ANXA13: variants seen among roughly 807,000 people sequenced by gnomAD.
The protein encoded by ANXA13 is annexin A13, also known as annexin XIII.
Under a neutral mutation model 46.6 loss-of-function variants are expected in ANXA13, and 36 were observed. That is an observed-to-expected ratio of 0.77 (90% confidence interval 0.59 to 1.02). ANXA13 has a LOEUF of 1.02. ANXA13 is among the 50% of genes least tolerant of loss of function. The probability of loss-of-function intolerance (pLI) is 0.00; values close to 1 mark genes in which losing one functional copy is unlikely to be tolerated. For synonymous variants in ANXA13, 163 were observed against 152.9 expected (o/e 1.07, Z -0.49); for missense variants, 417 against 396.5 (o/e 1.05, Z -0.44).
Position 123,681,056 on chromosome 8 carries a change from C to T in ANXA13, c.*184G>A. 1.5e-6 allele frequency: 1 copy of T among 683,268 alleles called. No homozygotes were observed. The highest frequency in any genetic ancestry group is 1.8e-5 in the African/African-American group (1 of 55,946). 42.3% of individuals were successfully genotyped at this position (683,268 alleles called of 1,614,324 possible). On this transcript the variant is annotated 3_prime_UTR_variant, in exon 11 of 11. Coordinates refer to ENST00000419625, the MANE Select transcript of ANXA13 (RefSeq NM_004306.4). ...AAGCCAGAGTTCAAGGTGCCCTGCC[C>T]ACGCATCTTAACGTTACTGCCCTTA... is the stretch of plus-strand genomic sequence containing the variant.
rs759142736 is a variant in ANXA13 at position 123,735,810 on chromosome 8, A to G, written c.15+1510T>C. 5.0e-6 allele frequency: 8 copies of G among 1,612,656 alleles called. No individual in the cohort carries two copies. Among genetic ancestry groups the G allele is most frequent in the Admixed American group, 3.3e-5 (2 of 59,814 alleles). ...TGATGGGTGGCTGAGAGGCTGCACG[A>G]CTGTCGAGGGTTGGGAGTCCCCTTT... On this transcript the variant is annotated intron_variant, in intron 1 of 10. Transcript: ENST00000419625.
At chr8:123,722,358 GAAAGA>G (rs1159854462) in intron 1 of ANXA13, among the ~76,000 whole-genome samples, 1 of 90,768 alleles carries the variant, frequency 1.1e-5, no homozygotes, top group African/African-American at 3.7e-5. Flanking sequence ...AAGAAAGAAA[GAAAGA>G]AAGAAAGAAA....
Position 123,690,592 on chromosome 8 carries a change from T to G in ANXA13, c.643-1646A>C, listed in dbSNP as rs1462547446. Among the ~76,000 whole-genome samples, 1 of 152,222 alleles carries G rather than the reference T, an allele frequency of 6.6e-6. No individual in the cohort carries two copies. Among genetic ancestry groups the G allele is most frequent in the Admixed American group, 6.5e-5 (1 of 15,288 alleles). ...GCTGTTGGGACTGTACTTTGGATACTTCTCACTTCAGTTACTGCAACGTGA... is the reference window on the plus strand; with the variant it reads ...GCTGTTGGGACTGTACTTTGGATACGTCTCACTTCAGTTACTGCAACGTGA... On this transcript the variant is annotated intron_variant, in intron 8 of 10. Transcript: ENST00000419625. The surrounding 1 kb of genome is among the most constrained non-coding windows in gnomAD (Gnocchi z 4.6).
intron 4 of ANXA13, among the ~76,000 whole-genome samples, chr8:123,698,017 T>C (rs1813374535): frequency 6.6e-6 from 1 of 152,228 alleles, no homozygotes; most frequent in Non-Finnish European, 1.5e-5. Flanking sequence ...CTGACCGCCA[T>C]AGCCCAGGCA....
At chr8:123,736,865 T>TTTTG (rs1554596851) in intron 1 of ANXA13, among the ~76,000 whole-genome samples, 1 of 148,762 alleles carries the variant, frequency 6.7e-6, no homozygotes, top group African/African-American at 2.5e-5. Flanking sequence ...TTTTTTTTTT[T>TTTTG]GGGACGGAGT....
chr8:123,682,748 A>T (rs1813062565), intron 10 of ANXA13, among the ~76,000 whole-genome samples: 1 of 152,164 alleles, frequency 6.6e-6, no homozygotes, highest in African/African-American at 2.4e-5. Context: ...GATGGGGTGC[A>T]CAGGGCTCTG....
intron 3 of ANXA13, 109 bp from the exon 4 acceptor site, chr8:123,698,668 C>G: frequency 8.1e-7 from 1 of 1,230,534 alleles, no homozygotes; most frequent in Non-Finnish European, 1.1e-6. Context: ...GTGCTGTGGA[C>G]ATGAATTCTG....
At chr8:123,687,870 C>G (rs1279938851) in intron 9 of ANXA13, among the ~76,000 whole-genome samples, 4 of 152,216 alleles carry the variant, frequency 2.6e-5, no homozygotes. Context: ...GCCCATCTCT[C>G]TGCTATTTCC....
At position 123,681,095 on chromosome 8, in the gene ANXA13, G is replaced by T; in HGVS notation, c.*145C>A. 8.7e-7 allele frequency: 1 copy of T among 1,146,920 alleles called. No homozygotes were observed. Among genetic ancestry groups the T allele is most frequent in the Non-Finnish European group, 1.2e-6 (1 of 828,852 alleles). The allele number at this position is 1,146,920 out of a possible 1,614,324, so 71.0% of individuals were successfully genotyped here. A position where few individuals can be genotyped will look rare whatever the true frequency, so the allele number is the denominator to read the frequency against. Reference sequence around the variant, plus strand: ...TTACTGCCCTTAACTTACACAGCTTGGCCTGGCTGCGCCACTTAAGCTGCC... The same window carrying T: ...TTACTGCCCTTAACTTACACAGCTTTGCCTGGCTGCGCCACTTAAGCTGCC... On this transcript the variant is annotated 3_prime_UTR_variant, in exon 11 of 11. Coordinates refer to ENST00000419625, the MANE Select transcript of ANXA13 (RefSeq NM_004306.4).
intron 2 of ANXA13, among the ~76,000 whole-genome samples, chr8:123,710,628 A>G (rs1586328276): frequency 6.6e-6 from 1 of 151,854 alleles, no homozygotes; most frequent in East Asian, 1.9e-4. Flanking sequence ...GACTGCAGCC[A>G]TGTGGCTGAG....
intron 1 of ANXA13, chr8:123,735,675 C>G (rs1448874202): frequency 6.9e-7 from 1 of 1,442,764 alleles, no homozygotes; most frequent in African/African-American, 1.4e-5. Flanking sequence ...TCCAACATGA[C>G]AGATCACTGG....
chr8:123,705,395 A>G (rs1041990723), intron 2 of ANXA13, among the ~76,000 whole-genome samples: 1 of 152,178 alleles, frequency 6.6e-6, no homozygotes, highest in Non-Finnish European at 1.5e-5. Context: ...TGGCATCGAG[A>G]CTTCCCGCAG....
intron 9 of ANXA13, 62 bp from the exon 10 acceptor site, chr8:123,684,784 C>G: frequency 7.7e-7 from 1 of 1,290,940 alleles, no homozygotes; most frequent in Admixed American, 1.7e-5. Flanking sequence ...GACCTTGGGA[C>G]CCCCCTAAAT....
intron 3 of ANXA13, among the ~76,000 whole-genome samples, chr8:123,700,960 C>T (rs1176717783): frequency 6.6e-6 from 1 of 152,088 alleles, no homozygotes; most frequent in African/African-American, 2.4e-5. Flanking sequence ...GTAGCAGGGA[C>T]TACAGGCACA....
chr8:123,702,651 C>T lies in ANXA13; in HGVS notation c.177G>A (p.Thr59=), dbSNP rs768714470. 2.0e-5 allele frequency: 32 copies of T among 1,613,840 alleles called. No homozygotes were observed. In the Admixed American group the frequency reaches 2.3e-4, roughly 12 times the overall value. ...RQQIKQKYKA[T]YGKELEEVLK... is the part of the protein sequence containing the mutation. Reference sequence around the variant, plus strand: ...CCACCCCTGGAATCACCTTGCCGTACGTTGCCTTGTACTTTTGCTTGATTT... The same window carrying T: ...CCACCCCTGGAATCACCTTGCCGTATGTTGCCTTGTACTTTTGCTTGATTT... Residue 59 remains threonine (T), a synonymous_variant, in exon 3 of 11, where the codon ACG becomes ACA. Coordinates refer to ENST00000419625, the MANE Select transcript of ANXA13 (RefSeq NM_004306.4).
At chr8:123,695,473 T>G (rs1813312571) in intron 6 of ANXA13, 29 bp downstream of exon 6, 1 of 1,565,502 alleles carries the variant, frequency 6.4e-7, no homozygotes. Flanking sequence ...CCTAAGATGA[T>G]AAAACAGGTG....
chr8:123,708,870 A>G (rs1234779380), intron 2 of ANXA13, among the ~76,000 whole-genome samples: 24 of 151,790 alleles, frequency 1.6e-4, no homozygotes, highest in Admixed American at 1.5e-3. Context: ...ATATCTCTCT[A>G]GTCTCTGTCT....
rs1813274494 is a variant in ANXA13 at position 123,693,298 on chromosome 8, C to T, written c.541G>A (p.Ala181Thr). ...TCAGTGCCCCAGCGGCCTTCCCCTG[C>T]CTCAAGGGTCAAATACAAACACTTT... is the stretch of plus-strand genomic sequence containing the variant. ...AGQDAKDLYDAGEGRWGTDEL... is the reference protein window; with the variant it reads ...AGQDAKDLYDTGEGRWGTDEL... The change falls in exon 8 of 11, where the codon GCA becomes ACA. Residue 181 changes from alanine (A) to threonine (T), a missense_variant and splice_region_variant. By Grantham distance (58) the Ala-to-Thr change is moderately conservative (BLOSUM62 0). Coordinates refer to ENST00000419625, the MANE Select transcript of ANXA13 (RefSeq NM_004306.4). 1 of 1,613,712 alleles carries T rather than the reference C, an allele frequency of 6.2e-7. No homozygotes were observed. Among genetic ancestry groups the T allele is most frequent in the Non-Finnish European group, 8.5e-7 (1 of 1,179,808 alleles).
intron 10 of ANXA13, among the ~76,000 whole-genome samples, chr8:123,682,283 A>G (rs1431353759): frequency 3.3e-5 from 5 of 152,250 alleles, no homozygotes; most frequent in Non-Finnish European, 7.3e-5. Flanking sequence ...GATAGGACTC[A>G]GGAGAAAAAT....
Sources: allele counts gnomAD v4.1 joint callset (sites outside exome capture counted in the v4.1 genomes callset), GRCh38; gene constraint gnomAD v4.1.1; non-coding constraint Gnocchi (gnomAD v3.1); transcripts MANE v1.5; gene names NCBI Gene and HGNC (gene_info 2026-07-23, HGNC 2026-07-21).